Variants in HNRNPU observed in about 807,000 individuals in gnomAD.
HNRNPU encodes HNRNPU antisense RNA 1.
A neutral mutation model predicts 94.7 loss-of-function variants in HNRNPU; 5 were observed. That is an observed-to-expected ratio of 0.05 (90% confidence interval 0.03 to 0.11). HNRNPU has a LOEUF of 0.11. Ranked by LOEUF, HNRNPU falls within the 10% of genes least tolerant of loss-of-function variation. HNRNPU has a pLI of 1.00. For synonymous variants in HNRNPU, 434 were observed against 381.6 expected (o/e 1.14, Z -1.60); for missense variants, 710 against 1,049.2 (o/e 0.68, Z 4.47).
Position 244,863,528 on chromosome 1 carries a change from C to T in HNRNPU, c.691+89G>A, listed in dbSNP as rs1328171751. Reference sequence around the variant, plus strand: ...GCGGCGCCCTCCCGCCCGGGGCTCCCTCCCCCTGCGGGGCTCCGGCAGGCC... The same window carrying T: ...GCGGCGCCCTCCCGCCCGGGGCTCCTTCCCCCTGCGGGGCTCCGGCAGGCC... On this transcript the variant is annotated intron_variant, in intron 1 of 13. Transcript: ENST00000640218. 7.9e-6 allele frequency: 10 copies of T among 1,267,876 alleles called. No individual in the cohort carries two copies. In the East Asian group the frequency reaches 2.0e-4, roughly 25 times the overall value. The allele number at this position is 1,267,876 out of a possible 1,614,324, so 78.5% of individuals were successfully genotyped here.
chr1:244,859,145 T>G (rs1254420942), intron 5 of HNRNPU, 130 bp downstream of exon 5: 1 of 605,186 alleles, frequency 1.7e-6, no homozygotes, highest in Non-Finnish European at 2.9e-6. Context: ...GTGCTAATAT[T>G]ACCTGTCTGA....
chr1:244,862,927 T>C, intron 1 of HNRNPU, 197 bp from the exon 2 acceptor site: 1 of 598,476 alleles, frequency 1.7e-6, no homozygotes, highest in Non-Finnish European at 3.0e-6. Context: ...ACATTACTAA[T>C]TTTGCCAGTC....
rs765953886 is a variant in HNRNPU, at chr1:244,856,645, T to C, written c.1744-20A>G. The C allele has an allele frequency of 6.2e-7, 1 of 1,611,786 alleles. No homozygotes were observed. Among genetic ancestry groups the C allele is most frequent in the African/African-American group, 1.3e-5 (1 of 74,658 alleles). On this transcript the variant is annotated intron_variant, in intron 9 of 13. Transcript: ENST00000640218. ...ATTTGTCTTTAAAAAAAGAAATTTA[T>C]GTTTACAACCCTAAACATTAATTCT...
At chr1:244,860,163 G>A (rs1361810952) in intron 4 of HNRNPU, 172 bp downstream of exon 4, 4 of 546,086 alleles carry the variant, frequency 7.3e-6, no homozygotes, top group Non-Finnish European at 1.3e-5. Context: ...AGCCAGGTGT[G>A]GTAGTGTGTG....
In HNRNPU at chr1:244,858,285, G is replaced by C. The variant is rs759917007; in HGVS notation, c.1231-11C>G. The C allele has an allele frequency of 6.2e-7, 1 of 1,602,598 alleles. No homozygotes were observed. Among genetic ancestry groups the C allele is most frequent in the South Asian group, 1.1e-5 (1 of 89,146 alleles). ...ATCACTTTCAAAGTTCTGTTACACA[G>C]AAAAAAATTCAACAGTTAAAATCTG... On this transcript the variant is annotated splice_polypyrimidine_tract_variant and intron_variant, in intron 6 of 13. Coordinates refer to ENST00000640218, the MANE Select transcript of HNRNPU (RefSeq NM_031844.3).
At chr1:244,856,333 A>C (rs1332534673) in intron 10 of HNRNPU, 124 bp downstream of exon 10, 9 of 1,219,468 alleles carry the variant, frequency 7.4e-6, no homozygotes, top group Admixed American at 2.3e-5. Context: ...TTGCTGGAAA[A>C]AATGTTAACT....
chr1:244,864,386 G>C lies in HNRNPU; in HGVS notation c.-79C>G, dbSNP rs1680944984. 1.9e-6 allele frequency: 3 copies of C among 1,584,926 alleles called. No homozygotes were observed. Among genetic ancestry groups the C allele is most frequent in the South Asian group, 2.3e-5 (2 of 87,998 alleles). On this transcript the variant is annotated 5_prime_UTR_variant, in exon 1 of 14. Transcript: ENST00000640218. ...TCGGCCACTGGTGGCGGCTGCTGCG[G>C]CTGCTCCTCGGCCCGGGCGGCGGCT...
intron 3 of HNRNPU, chr1:244,861,376 C>T (rs1313104972): frequency 1.3e-5 from 2 of 152,256 alleles, no homozygotes; most frequent in African/African-American, 4.8e-5. Flanking sequence ...GTGTGAGTCA[C>T]CACTTCACTA....
chr1:244,860,788 G>A (rs529971576), intron 3 of HNRNPU: 3 of 360,876 alleles, frequency 8.3e-6, no homozygotes, highest in Admixed American at 4.8e-5. Context: ...TTGATTTAGA[G>A]GCAAGCAGTA....
rs555181156 is a variant in HNRNPU at position 244,863,420 on chromosome 1, A to ACACACG, written c.691+196_691+197insCGTGTG. Among the ~76,000 whole-genome samples the ACACACG allele has an allele frequency of 2.6e-3, 365 of 138,872 alleles. 2 individuals carry two copies. The highest frequency in any genetic ancestry group is 0.016 in the East Asian group (70 of 4,412). The allele number at this position is 138,872 out of a possible 152,430, so 91.1% of individuals were successfully genotyped here. A position where few individuals can be genotyped will look rare whatever the true frequency, so the allele number is the denominator to read the frequency against. On this transcript the variant is annotated intron_variant, in intron 1 of 13. Transcript: ENST00000640218. The stretch of plus-strand genomic sequence containing the variant: ...GACACACACACACACACACACACAC[A>ACACACG]CGCGCGCGCGCACACACACGCCCCG...
Position 244,860,316 on chromosome 1 carries a change from A to C in HNRNPU, c.1017+19T>G. On this transcript the variant is annotated intron_variant, in intron 4 of 13. Transcript: ENST00000640218. Reference sequence around the variant, plus strand: ...ACTGTCTCCACAAACAAACAAACAAATCATAAAATTGCATTTACCTTCATC... The same window carrying C: ...ACTGTCTCCACAAACAAACAAACAACTCATAAAATTGCATTTACCTTCATC... The C allele has an allele frequency of 6.2e-7, 1 of 1,603,282 alleles. No individual in the cohort carries two copies. The highest frequency in any genetic ancestry group is 8.5e-7 in the Non-Finnish European group (1 of 1,174,206).
intron 3 of HNRNPU, chr1:244,861,076 T>G (rs891254309): frequency 3.9e-5 from 6 of 152,322 alleles, no homozygotes; most frequent in African/African-American, 1.4e-4. Context: ...AATTAGGGAT[T>G]AATTGCTTCC....
chr1:244,862,270 T>C (rs545395029), intron 3 of HNRNPU, 191 bp downstream of exon 3: 23 of 532,688 alleles, frequency 4.3e-5, no homozygotes, highest in Non-Finnish European at 6.3e-5. Context: ...GCCTGTAAAA[T>C]AATCCACTTA....
chr1:244,858,318 A>C (rs1304156074), intron 6 of HNRNPU, 44 bp from the exon 7 acceptor site: 1 of 1,547,102 alleles, frequency 6.5e-7, no homozygotes, highest in Non-Finnish European at 8.8e-7. Flanking sequence ...CTGCTTCCTT[A>C]AACTTTCTAA....
At chr1:244,862,146 A>T (rs969008616) in intron 3 of HNRNPU, 1 of 269,052 alleles carries the variant, frequency 3.7e-6, no homozygotes, top group Admixed American at 4.8e-5. Context: ...GAAGCCTGTA[A>T]GGCTAAATTA....
rs772930528 is a variant in HNRNPU at position 244,858,117 on chromosome 1, T to G, written c.1388A>C (p.Glu463Ala). The G allele has an allele frequency of 6.2e-7, 1 of 1,614,206 alleles. No homozygotes were observed. The highest frequency in any genetic ancestry group is 8.5e-7 in the Non-Finnish European group (1 of 1,180,028). Residue 463 changes from glutamate (E) to alanine (A), a missense_variant, in exon 7 of 14, where the codon GAA (glutamate) becomes GCA (alanine). This residue lies in a region of HNRNPU where 150 missense variants were observed against 187.9 expected (regional missense o/e 0.80). Transcript: ENST00000640218. The part of the protein sequence containing the change: ...CAVEFNFGQK[E>A]KPYFPIPEEY... The stretch of plus-strand genomic sequence containing the variant: ...TTCAGGTATTGGAAAATATGGCTTT[T>G]CCTTCTGACCAAAATTAAATTCAAC...
At position 244,863,484 on chromosome 1, in the gene HNRNPU, C is replaced by T. The variant is rs532002501; in HGVS notation, c.691+133G>A. Reference sequence around the variant, plus strand: ...TCGGCTAATCTGGGATTCCCCGCGCCCCCTCCCCCACCCTCACCGCGGCGC... The same window carrying T: ...TCGGCTAATCTGGGATTCCCCGCGCTCCCTCCCCCACCCTCACCGCGGCGC... On this transcript the variant is annotated intron_variant, in intron 1 of 13. Coordinates refer to ENST00000640218, the MANE Select transcript of HNRNPU (RefSeq NM_031844.3). The T allele has an allele frequency of 1.9e-3, 2,048 of 1,106,794 alleles. 4 individuals are homozygous for T. The highest frequency in any genetic ancestry group is 2.1e-3 in the Non-Finnish European group (1,848 of 870,404). The allele number at this position is 1,106,794 out of a possible 1,614,324, so 68.6% of individuals were successfully genotyped here. A position where few individuals can be genotyped will look rare whatever the true frequency, so the allele number is the denominator to read the frequency against.
intron 5 of HNRNPU, 134 bp downstream of exon 5, chr1:244,859,138 CTAA>C (rs1358912691): frequency 6.7e-6 from 4 of 594,790 alleles, no homozygotes. Context: ...CTACTATGTG[CTAA>C]TATTACCTGT....
Position 244,856,740 on chromosome 1 carries a change from A to G in HNRNPU, c.1731T>C (p.Phe577=), listed in dbSNP as rs1211543320. 2 of 1,611,084 alleles carry G rather than the reference A, an allele frequency of 1.2e-6. No individual in the cohort carries two copies. The highest frequency in any genetic ancestry group is 2.2e-5 in the East Asian group (1 of 44,890). ...IEIAARKKRN[F]ILDQTNVSAA... is the part of the protein sequence containing the mutation. ...AGCTACAGCGTACCTGATCCAGAAT[A>G]AAATTTCGCTTCTTTCGGGCAGCAA... The change falls in exon 9 of 14, where the codon TTT becomes TTC. Residue 577 remains phenylalanine (F), a synonymous_variant. Transcript: ENST00000640218.
Sources: allele counts gnomAD v4.1 joint callset (sites outside exome capture counted in the v4.1 genomes callset), GRCh38; gene constraint gnomAD v4.1.1; regional missense constraint gnomAD v4.1.1; transcripts MANE v1.5; gene names NCBI Gene and HGNC (gene_info 2026-07-23, HGNC 2026-07-21).